Variants in SUGCT observed in about 807,000 individuals in gnomAD.
SUGCT encodes the protein succinyl-CoA:glutarate CoA-transferase.
A neutral mutation model predicts 55.0 loss-of-function variants in SUGCT; 41 were observed. That is an observed-to-expected ratio of 0.74 (90% CI 0.58 to 0.97). The LOEUF is 0.97. Ranked by LOEUF, SUGCT falls within the 50% of genes least tolerant of loss-of-function variation. SUGCT has a pLI of 0.00. For synonymous variants in SUGCT, 187 were observed against 200.4 expected, an observed-to-expected ratio of 0.93 and a Z score of 0.56; for missense variants, 568 against 547.8, an observed-to-expected ratio of 1.04 and a Z score of -0.37.
At chr7:40,928,816 G>A in the SUGCT span, among the ~76,000 whole-genome samples, 1 of 152,010 alleles carries the variant, frequency 6.6e-6, no homozygotes, top group African/African-American at 2.4e-5. Flanking sequence ...GGCCAGGATG[G>A]TCTTGATCTC....
chr7:40,762,835 T>A (rs1788601549), intron 13 of SUGCT, among the ~76,000 whole-genome samples: 1 of 151,386 alleles, frequency 6.6e-6, no homozygotes. Flanking sequence ...TGAGACGGAA[T>A]CTCACTCTGT....
chr7:40,188,159 C>T (rs186242615), intron 3 of SUGCT, among the ~76,000 whole-genome samples: 131 of 147,596 alleles, frequency 8.9e-4, no homozygotes, highest in African/African-American at 2.9e-3. Context: ...AATGGATGGG[C>T]GCGGTGGCTC....
the SUGCT span, among the ~76,000 whole-genome samples, chr7:40,971,910 T>C: frequency 6.6e-6 from 1 of 152,206 alleles, no homozygotes; most frequent in Non-Finnish European, 1.5e-5. Flanking sequence ...TGTCAATTAA[T>C]ATTTTTTTAC....
chr7:40,528,610 C>T (rs753521503), intron 12 of SUGCT, among the ~76,000 whole-genome samples: 6 of 152,048 alleles, frequency 3.9e-5, no homozygotes, highest in Non-Finnish European at 8.8e-5. Flanking sequence ...TTAATGATAT[C>T]GAAACTCTTA....
At chr7:40,969,765 C>T in the SUGCT span, among the ~76,000 whole-genome samples, 1 of 152,178 alleles carries the variant, frequency 6.6e-6, no homozygotes, top group East Asian at 1.9e-4. Flanking sequence ...TTGTTTTCTA[C>T]ATCTGTTTTG....
chr7:40,593,424 G>A (rs1797835566), intron 12 of SUGCT, among the ~76,000 whole-genome samples: 1 of 152,136 alleles, frequency 6.6e-6, no homozygotes, highest in South Asian at 2.1e-4. Flanking sequence ...AATGGGCATT[G>A]GCAAAGGACA....
chr7:40,438,785 T>C (rs1347262085), intron 9 of SUGCT, among the ~76,000 whole-genome samples: 2 of 151,610 alleles, frequency 1.3e-5, no homozygotes, highest in Non-Finnish European at 2.9e-5. Context: ...GTGCACGGCA[T>C]GTTATCACCT....
chr7:40,529,065 T>G (rs1793950548), intron 12 of SUGCT, among the ~76,000 whole-genome samples: 1 of 151,990 alleles, frequency 6.6e-6, no homozygotes, highest in African/African-American at 2.4e-5. Flanking sequence ...TCCCACAACA[T>G]AGGAAGGAGC....
chr7:40,754,767 C>T (rs1197448412), intron 13 of SUGCT, among the ~76,000 whole-genome samples: 1 of 152,182 alleles, frequency 6.6e-6, no homozygotes, highest in Non-Finnish European at 1.5e-5. Context: ...TGGTTTTCCA[C>T]CTACTGTGAT....
intron 12 of SUGCT, among the ~76,000 whole-genome samples, chr7:40,537,935 T>C (rs1231907705): frequency 6.6e-6 from 1 of 152,208 alleles, no homozygotes; most frequent in Non-Finnish European, 1.5e-5. Context: ...CATTTCAGTG[T>C]ACCCTATTGC....
chr7:40,696,050 A>T (rs893302711), intron 12 of SUGCT, among the ~76,000 whole-genome samples: 1 of 152,172 alleles, frequency 6.6e-6, no homozygotes, highest in African/African-American at 2.4e-5. Context: ...CCCATCCTAC[A>T]GTTCTTTTCC....
the SUGCT span, among the ~76,000 whole-genome samples, chr7:41,026,231 C>T: frequency 6.6e-6 from 1 of 152,058 alleles, no homozygotes; most frequent in African/African-American, 2.4e-5. Context: ...GTAGCCAGTC[C>T]TACTCCTGGC....
the SUGCT span, among the ~76,000 whole-genome samples, chr7:40,978,840 T>C: frequency 6.6e-6 from 1 of 152,178 alleles, no homozygotes; most frequent in Non-Finnish European, 1.5e-5. Context: ...GAAATGTGTA[T>C]GACACAGGTT....
At chr7:40,854,443 T>C (rs1266578315) in intron 13 of SUGCT, among the ~76,000 whole-genome samples, 1 of 146,304 alleles carries the variant, frequency 6.8e-6, no homozygotes, top group African/African-American at 2.6e-5. Flanking sequence ...TTTCTTTCTT[T>C]CTTTCTTTCT....
the SUGCT span, among the ~76,000 whole-genome samples, chr7:40,897,316 C>A: frequency 6.6e-6 from 1 of 152,046 alleles, no homozygotes; most frequent in African/African-American, 2.4e-5. Flanking sequence ...GATATGACCC[C>A]AAAAGCACAG....
intron 12 of SUGCT, among the ~76,000 whole-genome samples, chr7:40,703,492 A>C (rs1291419196): frequency 6.6e-6 from 1 of 152,118 alleles, no homozygotes; most frequent in Non-Finnish European, 1.5e-5. Flanking sequence ...ACTTCTTTGG[A>C]GACTGGAAGA....
At chr7:40,583,828 A>T (rs1446839920) in intron 12 of SUGCT, among the ~76,000 whole-genome samples, 1 of 152,170 alleles carries the variant, frequency 6.6e-6, no homozygotes, top group Non-Finnish European at 1.5e-5. Context: ...ACAGCTGCTA[A>T]CAATAAGGGT....
chr7:40,200,722 A>G (rs1786542971), intron 6 of SUGCT, among the ~76,000 whole-genome samples: 1 of 151,766 alleles, frequency 6.6e-6, no homozygotes, highest in African/African-American at 2.4e-5. Flanking sequence ...AAGAAGTAGG[A>G]TTTTTCAGTA....
At chr7:40,696,235 AC>A (rs1185355888) in intron 12 of SUGCT, among the ~76,000 whole-genome samples, 1 of 152,196 alleles carries the variant, frequency 6.6e-6, no homozygotes, top group Non-Finnish European at 1.5e-5. Context: ...GGAAACTGAT[AC>A]CTGTGCCGTT....
Sources: allele counts gnomAD v4.1 joint callset (sites outside exome capture counted in the v4.1 genomes callset), GRCh38; gene constraint gnomAD v4.1.1; transcripts MANE v1.5; gene names NCBI Gene and HGNC (gene_info 2026-07-23, HGNC 2026-07-21).